FMN2: variants seen among roughly 807,000 people sequenced by gnomAD.
FMN2 encodes the protein formin-2.
FMN2 carries 51 observed loss-of-function variants against 142.3 expected under a neutral mutation model. The observed-to-expected ratio is 0.36, with a 90% confidence interval of 0.29 to 0.45. FMN2 has a LOEUF of 0.45. FMN2 is among the 20% of genes least tolerant of loss of function. The pLI is 1.00. For synonymous variants in FMN2, 882 were observed against 869.8 expected, an observed-to-expected ratio of 1.01 and a Z score of -0.25; for missense variants, 1,936 against 2,122.8, an observed-to-expected ratio of 0.91 and a Z score of 1.73.
At chr1:240,468,289 C>CAT (rs969648860) in intron 16 of FMN2, among the ~76,000 whole-genome samples, 1 of 151,668 alleles carries the variant, frequency 6.6e-6, no homozygotes, top group Non-Finnish European at 1.5e-5. Context: ...TGCACACACA[C>CAT]ATATACATAT....
chr1:240,250,388 A>G (rs1668238018), intron 6 of FMN2, among the ~76,000 whole-genome samples: 1 of 152,110 alleles, frequency 6.6e-6, no homozygotes. Flanking sequence ...GATATATCAC[A>G]TTTATTGATT....
At chr1:240,445,177 G>A (rs1403209942) in intron 16 of FMN2, among the ~76,000 whole-genome samples, 9 of 152,154 alleles carry the variant, frequency 5.9e-5, no homozygotes, top group Admixed American at 6.5e-5. Context: ...TTGGAGTAAC[G>A]CATACACATT....
chr1:240,170,263 G>C, intron 2 of FMN2: 2 of 1,202,590 alleles, frequency 1.7e-6, no homozygotes, highest in Non-Finnish European at 2.5e-6. Context: ...ACCCCTAAAG[G>C]CTCGTGAAGT....
At chr1:240,401,991 T>G (rs868643468) in intron 15 of FMN2, among the ~76,000 whole-genome samples, 1 of 152,254 alleles carries the variant, frequency 6.6e-6, no homozygotes, top group Non-Finnish European at 1.5e-5. Context: ...AGTACCTTGT[T>G]CTTTGCAAAG....
intron 15 of FMN2, among the ~76,000 whole-genome samples, chr1:240,416,250 T>A (rs960104175): frequency 2.1e-5 from 3 of 141,076 alleles, no homozygotes; most frequent in African/African-American, 5.2e-5. Flanking sequence ...GCCTGTACAT[T>A]CCCTTTCCAC....
intron 2 of FMN2, chr1:240,142,876 A>G (rs1175133653): frequency 6.2e-7 from 1 of 1,600,224 alleles, no homozygotes; most frequent in African/African-American, 1.3e-5. Context: ...GACACTGGCA[A>G]TGGCCTCAGC....
rs745367957 is a variant in FMN2 at position 240,208,723 on chromosome 1, A to C, written c.3911A>C (p.His1304Pro). The stretch of plus-strand genomic sequence containing the variant: ...CTTTACTGGACCAGGATTCAACTAC[A>C]TAGTAAAAGGTAACATGAAAGTGAG... The part of the protein sequence containing the change: ...KPLYWTRIQL[H>P]SKRDSSTSLI... The change falls in exon 5 of 18, where the codon CAT (histidine) becomes CCT (proline). Residue 1304 changes from histidine (H) to proline (P), a missense_variant. By Grantham distance (77) the His-to-Pro change is moderately conservative. Around this residue, in one of 8 missense-constraint regions of FMN2, gnomAD observed 259 missense variants for 230.9 expected, o/e 1.12. Transcript: ENST00000319653. 3.6e-5 allele frequency: 58 copies of C among 1,608,612 alleles called. No homozygotes were observed. The highest frequency in any genetic ancestry group is 1.6e-4 in the Middle Eastern group (1 of 6,064).
intron 8 of FMN2, among the ~76,000 whole-genome samples, chr1:240,322,173 CT>C (rs1319123590): frequency 7.1e-6 from 1 of 140,946 alleles, no homozygotes; most frequent in African/African-American, 2.8e-5. Context: ...AAGTCTATTG[CT>C]TTTCCCACCC....
intron 15 of FMN2, among the ~76,000 whole-genome samples, chr1:240,409,947 C>A (rs1176545263): frequency 6.6e-6 from 1 of 151,958 alleles, no homozygotes; most frequent in Non-Finnish European, 1.5e-5. Context: ...TTTTAAAAAT[C>A]AGTAGCCATA....
chr1:240,406,108 G>T, intron 15 of FMN2, among the ~76,000 whole-genome samples: 1 of 106,458 alleles, frequency 9.4e-6, no homozygotes, highest in Non-Finnish European at 1.9e-5. Flanking sequence ...TCGGGAGTGG[G>T]GGAAGCGAAG....
In FMN2 at chr1:240,415,700, A is replaced by G. The variant is rs572399561; in HGVS notation, c.4911-22361A>G. On this transcript the variant is annotated intron_variant, in intron 15 of 17. Transcript: ENST00000319653. ...AAAGCATTAGTCATAATACACCTAG[A>G]AGGTAGTAATGATAAGCATTTAATT... Among the ~76,000 whole-genome samples, 15 of 152,252 alleles carry G rather than the reference A, an allele frequency of 9.9e-5. 1 individual carries two copies. Among genetic ancestry groups the G allele is most frequent in the African/African-American group, 3.4e-4 (14 of 41,550 alleles).
At chr1:240,364,526 T>C (rs1672597207) in intron 14 of FMN2, among the ~76,000 whole-genome samples, 1 of 152,160 alleles carries the variant, frequency 6.6e-6, no homozygotes, top group African/African-American at 2.4e-5. Context: ...TTGAGAAGCA[T>C]GAATTTGAAG....
At position 240,301,354 on chromosome 1, in the gene FMN2, C is replaced by CAAA. The variant is rs573211979; in HGVS notation, c.4215+6471_4215+6472insAAA. ...CTCCATTTAACTTATTTTGTTGTGA[C>CAAA]GTGAGTAGCATCTGTATGTGATTGT... On this transcript the variant is annotated intron_variant, in intron 8 of 17. Coordinates refer to ENST00000319653, the MANE Select transcript of FMN2 (RefSeq NM_020066.5). Among the ~76,000 whole-genome samples the CAAA allele has an allele frequency of 9.4e-4, 143 of 151,660 alleles. 1 individual carries two copies. The highest frequency in any genetic ancestry group is 3.2e-3 in the African/African-American group (131 of 41,462).
chr1:240,236,942 G>A (rs981338310), intron 6 of FMN2, among the ~76,000 whole-genome samples: 1 of 152,102 alleles, frequency 6.6e-6, no homozygotes, highest in Non-Finnish European at 1.5e-5. Flanking sequence ...GCTACTTTGG[G>A]TTTAACTTTT....
intron 7 of FMN2, among the ~76,000 whole-genome samples, chr1:240,265,686 A>G (rs1254628655): frequency 2.6e-5 from 4 of 152,126 alleles, no homozygotes; most frequent in African/African-American, 7.2e-5. Context: ...CAGCTCTGCC[A>G]CTGGCTGGCT....
At chr1:240,274,972 G>A (rs1469485255) in intron 7 of FMN2, among the ~76,000 whole-genome samples, 2 of 152,048 alleles carry the variant, frequency 1.3e-5, no homozygotes, top group Non-Finnish European at 2.9e-5. Flanking sequence ...ACAGTGATTT[G>A]GAGACTACAG....
At chr1:240,240,512 A>G (rs539483648) in intron 6 of FMN2, among the ~76,000 whole-genome samples, 2 of 152,266 alleles carry the variant, frequency 1.3e-5, no homozygotes, top group East Asian at 3.9e-4. Flanking sequence ...ATTTGTGATG[A>G]TTAATATCTC....
chr1:240,412,266 C>T (rs370547379), intron 15 of FMN2, among the ~76,000 whole-genome samples: 8 of 152,274 alleles, frequency 5.3e-5, no homozygotes, highest in Admixed American at 3.3e-4. Flanking sequence ...AGATCATATG[C>T]ACCCTTAACA....
chr1:240,197,002 A>C (rs1665935530), intron 4 of FMN2, among the ~76,000 whole-genome samples: 1 of 152,070 alleles, frequency 6.6e-6, no homozygotes, highest in Non-Finnish European at 1.5e-5. Context: ...ATCTTCGAAG[A>C]GGTTAAGTGT....
Sources: allele counts gnomAD v4.1 joint callset (sites outside exome capture counted in the v4.1 genomes callset), GRCh38; gene constraint gnomAD v4.1.1; regional missense constraint gnomAD v4.1.1; transcripts MANE v1.5; gene names NCBI Gene and HGNC (gene_info 2026-07-23, HGNC 2026-07-21).